Variants in BTBD10 observed in about 807,000 individuals in gnomAD.
BTBD10 encodes the protein BTB domain containing 10, also known as BTB/POZ domain-containing protein 10.
Under a neutral mutation model 53.2 loss-of-function variants are expected in BTBD10, and 21 were observed. That is an observed-to-expected ratio of 0.39 (90% CI 0.28 to 0.57). BTBD10 has a LOEUF of 0.57. BTBD10 is among the 20% of genes least tolerant of loss of function. The pLI is 0.53. For missense variants in BTBD10, 360 were observed against 594.7 expected (o/e 0.61, Z 4.10); for synonymous variants, 149 against 192.7 (o/e 0.77, Z 1.88).
chr11:13,440,599 A>T (rs973631789), intron 2 of BTBD10, among the ~76,000 whole-genome samples: 2 of 152,210 alleles, frequency 1.3e-5, no homozygotes, highest in Non-Finnish European at 2.9e-5. Context: ...AAACTTTTGC[A>T]TTTCTAAACT....
chr11:13,453,706 T>A (rs1405733396), intron 1 of BTBD10, among the ~76,000 whole-genome samples: 1 of 152,190 alleles, frequency 6.6e-6, no homozygotes. Flanking sequence ...CAGGTTTGTG[T>A]CCCCACAGCC....
At chr11:13,440,017 A>C in intron 2 of BTBD10, 2 of 1,533,960 alleles carry the variant, frequency 1.3e-6, no homozygotes, top group African/African-American at 2.7e-5. Flanking sequence ...ATTACTAGGA[A>C]ACTTTAGCAC....
At chr11:13,405,056 C>G (rs768120920) in intron 7 of BTBD10, among the ~76,000 whole-genome samples, 2 of 151,776 alleles carry the variant, frequency 1.3e-5, no homozygotes, top group Admixed American at 1.3e-4. Context: ...TTGGGCTCAT[C>G]AAGAAAAAAT....
chr11:13,439,513 T>C (rs898037998), intron 2 of BTBD10, among the ~76,000 whole-genome samples: 1 of 152,136 alleles, frequency 6.6e-6, no homozygotes, highest in Non-Finnish European at 1.5e-5. Flanking sequence ...ATTCCTTCTT[T>C]AGAAAATTTC....
At chr11:13,452,839 A>G (rs1950888971) in intron 1 of BTBD10, among the ~76,000 whole-genome samples, 4 of 152,252 alleles carry the variant, frequency 2.6e-5, no homozygotes. Context: ...ACTGTTAGAC[A>G]GGATACCTTA....
At chr11:13,394,050 A>C (rs1483185071) in intron 8 of BTBD10, among the ~76,000 whole-genome samples, 4 of 152,210 alleles carry the variant, frequency 2.6e-5, no homozygotes, top group Non-Finnish European at 5.9e-5. Flanking sequence ...TCCTTAATGA[A>C]ATTACAAATT....
chr11:13,419,884 T>C, intron 3 of BTBD10, 139 bp from the exon 4 acceptor site: 2 of 866,686 alleles, frequency 2.3e-6, no homozygotes, highest in Admixed American at 7.0e-5. Context: ...AATAAGATGT[T>C]AACAGAACAC....
intron 2 of BTBD10, chr11:13,440,239 G>A: frequency 7.7e-7 from 1 of 1,291,678 alleles, no homozygotes; most frequent in Non-Finnish European, 9.9e-7. Context: ...CTCAGCCGTG[G>A]GTTGTGCAGC....
Position 13,405,755 on chromosome 11 carries a change from C to T in BTBD10, c.910G>A (p.Gly304Arg). ...ACCACTATATGACATTCCCGTTCCC[C>T]ACTCTGGGCACTAGCTACCATGAGA... ...LPLMVASAQS[G>R]ERECHIVVLT... The change falls in exon 7 of 9, where the codon GGG (glycine) becomes AGG (arginine). Residue 304 changes from glycine (G) to arginine (R), a missense_variant. Transcript: ENST00000278174. 1.2e-6 allele frequency: 2 copies of T among 1,613,832 alleles called. No homozygotes were observed. Among genetic ancestry groups the T allele is most frequent in the Non-Finnish European group, 1.7e-6 (2 of 1,179,766 alleles).
At chr11:13,391,088 A>ATAT (rs1183044784) in intron 8 of BTBD10, among the ~76,000 whole-genome samples, 2 of 152,164 alleles carry the variant, frequency 1.3e-5, no homozygotes, top group Admixed American at 1.3e-4. Context: ...TCATATTACA[A>ATAT]TCCTTGCTTA....
intron 3 of BTBD10, among the ~76,000 whole-genome samples, chr11:13,420,663 G>A (rs2133968898): frequency 6.6e-6 from 1 of 152,168 alleles, no homozygotes; most frequent in South Asian, 2.1e-4. Flanking sequence ...AGAACACTCT[G>A]TACAGCATTA....
At chr11:13,435,536 A>G in intron 2 of BTBD10, among the ~76,000 whole-genome samples, 1 of 152,216 alleles carries the variant, frequency 6.6e-6, no homozygotes, top group East Asian at 1.9e-4. Context: ...TCTGTCGCCC[A>G]GGCTGGAGTG....
intron 5 of BTBD10, among the ~76,000 whole-genome samples, chr11:13,415,440 T>A (rs1403735294): frequency 6.6e-6 from 1 of 152,170 alleles, no homozygotes; most frequent in Non-Finnish European, 1.5e-5. Flanking sequence ...AACTGAAGCC[T>A]GTTAGCAATC....
intron 2 of BTBD10, chr11:13,440,427 C>G (rs1188472377): frequency 5.7e-6 from 3 of 521,824 alleles, no homozygotes; most frequent in Non-Finnish European, 7.4e-6. Context: ...CTAGCTCTGC[C>G]AGCTTGCCAG....
chr11:13,439,771 G>A, intron 2 of BTBD10: 6 of 817,250 alleles, frequency 7.3e-6, no homozygotes, highest in Non-Finnish European at 1.1e-5. Context: ...CTTTAGTCAT[G>A]TAAATGATCA....
chr11:13,426,719 A>G (rs891451197), intron 2 of BTBD10, among the ~76,000 whole-genome samples: 1 of 152,126 alleles, frequency 6.6e-6, no homozygotes, highest in African/African-American at 2.4e-5. Context: ...AACAAAAGAA[A>G]TACAGTTAAT....
intron 2 of BTBD10, among the ~76,000 whole-genome samples, chr11:13,428,979 A>C (rs1213500870): frequency 6.6e-6 from 1 of 152,188 alleles, no homozygotes; most frequent in East Asian, 1.9e-4. Context: ...AACAATACGC[A>C]ACCTAAAATT....
At chr11:13,448,496 T>C (rs868120412) in intron 1 of BTBD10, among the ~76,000 whole-genome samples, 5 of 152,202 alleles carry the variant, frequency 3.3e-5, no homozygotes, top group African/African-American at 7.2e-5. Context: ...TCTCATCATC[T>C]TGGCCTCTCA....
intron 8 of BTBD10, among the ~76,000 whole-genome samples, chr11:13,401,921 TA>T (rs1484378882): frequency 1.3e-5 from 2 of 152,202 alleles, no homozygotes; most frequent in Non-Finnish European, 1.5e-5. Flanking sequence ...ACAAATATAG[TA>T]AGCTCATTCC....
Sources: allele counts gnomAD v4.1 joint callset (sites outside exome capture counted in the v4.1 genomes callset), GRCh38; gene constraint gnomAD v4.1.1; transcripts MANE v1.5; gene names NCBI Gene and HGNC (gene_info 2026-07-23, HGNC 2026-07-21).